PCDH15: variants seen among roughly 807,000 people sequenced by gnomAD.
The protein encoded by PCDH15 is protocadherin-15.
PCDH15 carries 129 observed loss-of-function variants against 178.5 expected under a neutral mutation model. The observed-to-expected ratio is 0.72, with a 90% CI of 0.63 to 0.84. The LOEUF is 0.84. Among genes scored for constraint, PCDH15 ranks in the 40% least tolerant of loss-of-function variants. PCDH15 has a pLI of 0.00. For missense variants in PCDH15, 2,230 were observed against 2,099.9 expected, an observed-to-expected ratio of 1.06 and a Z score of -1.21; for synonymous variants, 800 against 732.0, an observed-to-expected ratio of 1.09 and a Z score of -1.50.
chr10:55,452,022 T>G (rs1839446643), intron 2 of PCDH15, among the ~76,000 whole-genome samples: 1 of 152,214 alleles, frequency 6.6e-6, no homozygotes, highest in Admixed American at 6.5e-5. Flanking sequence ...TTGATATGAC[T>G]AAATAGTTTA....
intron 17 of PCDH15, among the ~76,000 whole-genome samples, chr10:54,075,407 G>T (rs1473902810): frequency 6.6e-6 from 1 of 151,880 alleles, no homozygotes; most frequent in East Asian, 1.9e-4. Flanking sequence ...TATATATTTT[G>T]AATATTAATG....
chr10:54,118,198 A>G (rs576545636), intron 15 of PCDH15, among the ~76,000 whole-genome samples: 11 of 152,298 alleles, frequency 7.2e-5, no homozygotes, highest in South Asian at 6.2e-4. Flanking sequence ...ACAAACCCAT[A>G]TACTAATGGA....
At position 53,835,973 on chromosome 10, in the gene PCDH15, G is replaced by A. The variant is rs906504000; in HGVS notation, c.3983+4347C>T. 8.5e-5 allele frequency among the ~76,000 whole-genome samples: 13 copies of A among 152,248 alleles called. No homozygotes were observed. In the East Asian group the frequency reaches 2.1e-3, roughly 25 times the overall value. On this transcript the variant is annotated intron_variant, in intron 29 of 37. Coordinates refer to ENST00000644397, the MANE Select transcript of PCDH15 (RefSeq NM_001384140.1). ...CTGGTGCACAGGCAGCAACCCTTGT[G>A]CAATTCCCCAGACCTTTATCTCAGA... is the stretch of plus-strand genomic sequence containing the variant.
At chr10:54,415,364 T>A (rs1461104156) in intron 3 of PCDH15, among the ~76,000 whole-genome samples, 1 of 151,580 alleles carries the variant, frequency 6.6e-6, no homozygotes, top group East Asian at 1.9e-4. Context: ...ATTGAAGAAA[T>A]TTTTAAAAAT....
Position 54,096,745 on chromosome 10 carries a change from C to T in PCDH15, c.1918-6682G>A, listed in dbSNP as rs75779525. ...TCATAGCCTAAGTATCTCTAACTAC[C>T]AAATGTCCTACTTCTAAATACCATC... On this transcript the variant is annotated intron_variant, in intron 15 of 37. Transcript: ENST00000644397. Among the ~76,000 whole-genome samples the T allele has an allele frequency of 5.7e-3, 866 of 152,258 alleles. 9 individuals are homozygous for T. The highest frequency in any genetic ancestry group is 7.5e-3 in the Non-Finnish European group (512 of 68,024).
intron 2 of PCDH15, among the ~76,000 whole-genome samples, chr10:55,512,625 T>C (rs1175261080): frequency 3.3e-5 from 5 of 152,070 alleles, no homozygotes; most frequent in Non-Finnish European, 5.9e-5. Flanking sequence ...TTTAAGAACC[T>C]TGGCACCTTT....
intron 1 of PCDH15, among the ~76,000 whole-genome samples, chr10:54,676,247 C>T (rs2094787872): frequency 6.6e-6 from 1 of 151,884 alleles, no homozygotes; most frequent in African/African-American, 2.4e-5. Context: ...CAAATCTCAG[C>T]CTGTAAGTTA....
At chr10:54,420,898 T>A (rs1407740376) in intron 3 of PCDH15, among the ~76,000 whole-genome samples, 1 of 152,068 alleles carries the variant, frequency 6.6e-6, no homozygotes, top group East Asian at 1.9e-4. Context: ...GGGGCATGAG[T>A]AGACTTCAGG....
At chr10:54,439,186 CATAGCATAAAT>C in intron 3 of PCDH15, among the ~76,000 whole-genome samples, 1 of 151,950 alleles carries the variant, frequency 6.6e-6, no homozygotes. Flanking sequence ...GTGAATAATA[CATAGCATAAAT>C]ATGTATAAGG....
At chr10:54,357,487 C>G (rs1488857435) in intron 5 of PCDH15, among the ~76,000 whole-genome samples, 1 of 151,994 alleles carries the variant, frequency 6.6e-6, no homozygotes, top group East Asian at 1.9e-4. Flanking sequence ...AGGAGAACTA[C>G]AAACCACTGC....
intron 2 of PCDH15, among the ~76,000 whole-genome samples, chr10:55,434,945 A>G (rs1839004503): frequency 6.6e-6 from 1 of 152,180 alleles, no homozygotes. Context: ...ATAGTCAAAA[A>G]TCTAATTTTA....
chr10:55,259,732 G>A (rs11004788), intron 1 of PCDH15, among the ~76,000 whole-genome samples: 4,545 of 151,528 alleles, frequency 0.03, 118 homozygotes, highest in African/African-American at 0.077. Context: ...GAGAAACCCC[G>A]TCTCTACTAA....
intron 2 of PCDH15, among the ~76,000 whole-genome samples, chr10:55,457,538 G>A (rs1839580663): frequency 6.6e-6 from 1 of 151,950 alleles, no homozygotes; most frequent in African/African-American, 2.4e-5. Context: ...AGTGTTCTTT[G>A]CAATCTGCTG....
chr10:54,241,104 C>T (rs2055238414), intron 8 of PCDH15, among the ~76,000 whole-genome samples: 1 of 152,156 alleles, frequency 6.6e-6, no homozygotes, highest in Non-Finnish European at 1.5e-5. Flanking sequence ...ACTCTCTGGT[C>T]AACTTTGTAA....
chr10:54,603,793 C>G (rs1009490739), intron 2 of PCDH15, among the ~76,000 whole-genome samples: 1 of 151,960 alleles, frequency 6.6e-6, no homozygotes, highest in Admixed American at 6.6e-5. Context: ...CCTATCTGAC[C>G]CAGATTTTAC....
intron 2 of PCDH15, among the ~76,000 whole-genome samples, chr10:54,559,474 G>A (rs910713654): frequency 6.6e-6 from 1 of 151,918 alleles, no homozygotes; most frequent in African/African-American, 2.4e-5. Context: ...ACAAGCCATA[G>A]GTCTGAAAAT....
chr10:53,820,004 T>C (rs1291405670), intron 33 of PCDH15, among the ~76,000 whole-genome samples, 161 bp downstream of exon 33: 1 of 152,068 alleles, frequency 6.6e-6, no homozygotes, highest in Non-Finnish European at 1.5e-5. Context: ...AATAGGGCTG[T>C]AGGTACCTAC....
intron 25 of PCDH15, among the ~76,000 whole-genome samples, chr10:53,926,340 AAAC>A (rs1026639129): frequency 3.8e-4 from 58 of 152,366 alleles, no homozygotes; most frequent in Admixed American, 2.1e-3. Context: ...AGTTGTGAAG[AAAC>A]AACAACAACA....
Position 54,689,915 on chromosome 10 carries a change from T to G in PCDH15, c.-28-25625A>C, listed in dbSNP as rs559304329. 7.9e-5 allele frequency among the ~76,000 whole-genome samples: 12 copies of G among 152,292 alleles called. No homozygotes were observed. In the South Asian group the frequency reaches 2.1e-3, roughly 26 times the overall value. ...TCACAGAATGGGTGGTATTGGGGCATGTTCTTGAAGGAATGAGAGGTCATC... is the reference window on the plus strand; with the variant it reads ...TCACAGAATGGGTGGTATTGGGGCAGGTTCTTGAAGGAATGAGAGGTCATC... On this transcript the variant is annotated intron_variant, in intron 1 of 37. Transcript: ENST00000644397.
Sources: gnomAD v4.1 joint callset for allele counts (sites outside exome capture counted in the v4.1 genomes callset) on GRCh38, gnomAD v4.1.1 for gene constraint, MANE v1.5 for transcripts, NCBI Gene and HGNC (gene_info 2026-07-23, HGNC 2026-07-21) for gene names.